The following PI16 variants were observed in gnomAD, a reference collection of about 807,000 sequenced individuals.
PI16 encodes peptidase inhibitor 16, also known as PSP94-binding protein.
In PI16, 35 loss-of-function variants were observed where a neutral mutation model predicts 38.0. The ratio of observed to expected loss-of-function variants is 0.92; its 90% CI spans 0.70 to 1.22. The LOEUF (loss-of-function observed/expected upper bound fraction) is 1.22. PI16 is among the 50% of genes most tolerant of loss of function. The pLI, the probability that PI16 is intolerant of heterozygous loss-of-function variation, is 0.00. For missense variants in PI16, 572 were observed against 593.8 expected, an observed-to-expected ratio of 0.96 and a Z score of 0.38; for synonymous variants, 275 against 252.9, an observed-to-expected ratio of 1.09 and a Z score of -0.83.
upstream of PI16, among the ~76,000 whole-genome samples, chr6:36,951,761 T>C (rs1250954884): frequency 6.6e-6 from 1 of 151,904 alleles, no homozygotes; most frequent in African/African-American, 2.4e-5. Context: ...TAGCCAGGCA[T>C]GGTGGCGCAT....
At chr6:36,954,962 G>A (rs764603697) in intron 1 of PI16, 31 bp downstream of exon 1, 6 of 1,604,658 alleles carry the variant, frequency 3.7e-6, no homozygotes, top group Non-Finnish European at 3.4e-6. Flanking sequence ...TGCTGGCTGG[G>A]ATGGAAGGGG....
Position 36,963,359 on chromosome 6 carries a change from C to T in PI16, c.1017C>T (p.Pro339=). The T allele has an allele frequency of 6.2e-7, 1 of 1,614,172 alleles. No homozygotes were observed. ...PSRSPENSLD[P]KMSLTGAREL... is the part of the protein sequence containing the mutation. ...GGAGCCCAGAGAACTCTCTGGACCCCAAGATGTCCCTGACAGGGGCAAGGG... is the reference window on the plus strand; with the variant it reads ...GGAGCCCAGAGAACTCTCTGGACCCTAAGATGTCCCTGACAGGGGCAAGGG... The change falls in exon 5 of 7, where the codon CCC becomes CCT. Residue 339 remains proline (P), a synonymous_variant. Transcript: ENST00000373674.
At chr6:36,948,632 TCC>T (rs1561891230) in intron 1 of PI16, among the ~76,000 whole-genome samples, 1 of 95,574 alleles carries the variant, frequency 1.0e-5, no homozygotes, top group Admixed American at 1.1e-4. Flanking sequence ...CCTTCCTTCC[TCC>T]TTCCCTCCTT....
At position 36,961,478 on chromosome 6, in the gene PI16, G is replaced by A. The variant is rs1039367029; in HGVS notation, c.421G>A (p.Gly141Ser). 15 of 1,614,194 alleles carry A rather than the reference G, an allele frequency of 9.3e-6. No homozygotes were observed. Among genetic ancestry groups the A allele is most frequent in the Admixed American group, 1.7e-5 (1 of 60,026 alleles). Residue 141 changes from glycine (G) to serine (S), a missense_variant, in exon 3 of 7, where the codon GGC (glycine) becomes AGC (serine). Physicochemically the swap from Gly to Ser is moderately conservative, Grantham distance 56. Transcript: ENST00000373674. ...QVVWAKTERI[G>S]CGSHFCEKLQ... is the part of the protein sequence containing the mutation. Reference sequence around the variant, plus strand: ...GGTATGGGCCAAGACAGAGAGGATCGGCTGTGGTTCCCACTTCTGTGAGAA... The same window carrying A: ...GGTATGGGCCAAGACAGAGAGGATCAGCTGTGGTTCCCACTTCTGTGAGAA...
At chr6:36,956,392 A>G (rs1451860102) in intron 1 of PI16, among the ~76,000 whole-genome samples, 1 of 152,208 alleles carries the variant, frequency 6.6e-6, no homozygotes, top group Non-Finnish European at 1.5e-5. Context: ...TGGGGGCCAC[A>G]CAGGCTGGGA....
At chr6:36,964,189 C>A (rs1763450862) in intron 6 of PI16, among the ~76,000 whole-genome samples, 197 bp from the exon 7 acceptor site, 1 of 152,220 alleles carries the variant, frequency 6.6e-6, no homozygotes, top group Admixed American at 6.5e-5. Flanking sequence ...TAGGCCCATC[C>A]TTCAGCTGGC....
intron 1 of PI16, among the ~76,000 whole-genome samples, 166 bp from the exon 2 acceptor site, chr6:36,958,979 G>A (rs1221285161): frequency 6.6e-6 from 1 of 152,042 alleles, no homozygotes; most frequent in Non-Finnish European, 1.5e-5. Context: ...ATCCTTCACC[G>A]CCCCACAGAC....
chr6:36,961,415 G>A (rs146748215), intron 2 of PI16, 36 bp from the exon 3 acceptor site: 41 of 1,588,962 alleles, frequency 2.6e-5, no homozygotes, highest in Middle Eastern at 3.4e-4. Context: ...ATGCCACCTC[G>A]CATGGGGCTG....
chr6:36,962,523 A>C lies in PI16; in HGVS notation c.593-412A>C, dbSNP rs1763397103. Among the ~76,000 whole-genome samples the C allele has an allele frequency of 6.6e-6, 1 of 151,974 alleles. No homozygotes were observed. The highest frequency in any genetic ancestry group is 2.1e-4 in the South Asian group (1 of 4,814). On this transcript the variant is annotated intron_variant, in intron 4 of 6. Coordinates refer to ENST00000373674, the MANE Select transcript of PI16 (RefSeq NM_153370.3). The surrounding 1 kb of genome is among the most constrained non-coding windows in gnomAD (Gnocchi z 4.1). ...GTTTTGCTCTTGTTGCCCAGGCTAGAGTGCAATGGCTCGATCTCGGCTCAC... is the reference window on the plus strand; with the variant it reads ...GTTTTGCTCTTGTTGCCCAGGCTAGCGTGCAATGGCTCGATCTCGGCTCAC...
At chr6:36,957,150 G>A (rs1208990923) in intron 1 of PI16, among the ~76,000 whole-genome samples, 2 of 152,114 alleles carry the variant, frequency 1.3e-5, no homozygotes, top group Non-Finnish European at 2.9e-5. Flanking sequence ...ACTGCTTCAG[G>A]TTAAAGCTCC....
rs1302778180 is a variant in PI16 at position 36,963,817 on chromosome 6, C to G, written c.1271-6C>G. 5 of 1,579,134 alleles carry G rather than the reference C, an allele frequency of 3.2e-6. No homozygotes were observed. The South Asian group carries it at 4.7e-5, about 15-fold the overall frequency. On this transcript the variant is annotated splice_polypyrimidine_tract_variant and splice_region_variant and intron_variant, in intron 5 of 6. Transcript: ENST00000373674. ...AGGCTGAGGCAAAGCCTCTTTCTTC[C>G]CACAGGTGCAGAGGGCCCTGACAAG...
chr6:36,958,286 G>T (rs967958349), intron 1 of PI16, among the ~76,000 whole-genome samples: 3 of 152,212 alleles, frequency 2.0e-5, no homozygotes, highest in Non-Finnish European at 2.9e-5. Context: ...TGGGATCCAG[G>T]TTTCCCCTCC....
chr6:36,963,001 G>A lies in PI16; in HGVS notation c.659G>A (p.Arg220Gln), dbSNP rs763665761. ...CTGGTAACTGAGGCCCCATCCTTCC[G>A]GGCGACTGAAGCATCAGACTCTAGG... ...PYLVTEAPSF[R>Q]ATEASDSRKM... Residue 220 changes from arginine to glutamine, a missense_variant, in exon 5 of 7, where the codon CGG becomes CAG. Coordinates refer to ENST00000373674, the MANE Select transcript of PI16 (RefSeq NM_153370.3). 6 of 1,614,188 alleles carry A rather than the reference G, an allele frequency of 3.7e-6. No individual in the cohort carries two copies. Among genetic ancestry groups the A allele is most frequent in the East Asian group, 2.2e-5 (1 of 44,882 alleles).
rs1763448034 is a variant in PI16 at position 36,964,068 on chromosome 6, C to T, written c.*18+106C>T. On this transcript the variant is annotated intron_variant, in intron 6 of 6. Coordinates refer to ENST00000373674, the MANE Select transcript of PI16 (RefSeq NM_153370.3). ...CAGGTCCTGCTCTGTGGCCCAGCAG[C>T]CCCCCTTCACCCCAACTTCTGGCCA... 9.2e-6 allele frequency: 12 copies of T among 1,306,918 alleles called. No individual in the cohort carries two copies. The South Asian group carries it at 1.1e-4, about 12-fold the overall frequency. 81.0% of individuals were successfully genotyped at this position (1,306,918 alleles called of 1,614,324 possible). A position where few individuals can be genotyped will look rare whatever the true frequency, so the allele number is the denominator to read the frequency against.
chr6:36,963,472 A>C lies in PI16; in HGVS notation c.1130A>C (p.Gln377Pro), dbSNP rs746705043. 8 of 1,614,070 alleles carry C rather than the reference A, an allele frequency of 5.0e-6. No homozygotes were observed. The East Asian group carries it at 1.8e-4, about 36-fold the overall frequency. Residue 377 changes from glutamine to proline, a missense_variant, in exon 5 of 7, where the codon CAG becomes CCG. By Grantham distance (76) the Gln-to-Pro change is moderately conservative. Transcript: ENST00000373674. ...SEVLASVFPA[Q>P]DKPGELQATL... The stretch of plus-strand genomic sequence containing the variant: ...GTCTTGGCCTCAGTTTTTCCAGCCC[A>C]GGACAAGCCAGGTGAGCTGCAGGCC...
Position 36,963,905 on chromosome 6 carries a change from A to C in PI16, c.1353A>C (p.Leu451=). 1 of 1,613,696 alleles carries C rather than the reference A, an allele frequency of 6.2e-7. No individual in the cohort carries two copies. The highest frequency in any genetic ancestry group is 8.5e-7 in the Non-Finnish European group (1 of 1,179,866). ...ATGTGTGGGGCCCTCTCCTGGGACT[A>C]CTGCTCCTGCCTCCTCTGGTGTTGG... ...PGHVWGPLLG[L]LLLPPLVLAG... Residue 451 remains leucine, a synonymous_variant, in exon 6 of 7, where the codon CTA becomes CTC. Transcript: ENST00000373674.
At chr6:36,957,097 C>A (rs75247782) in intron 1 of PI16, among the ~76,000 whole-genome samples, 3,330 of 152,298 alleles carry the variant, frequency 0.022, 108 homozygotes, top group African/African-American at 0.072. Context: ...AACACATGGG[C>A]CTGACCCTGC....
intron 2 of PI16, 81 bp from the exon 3 acceptor site, chr6:36,961,370 G>C: frequency 8.0e-7 from 1 of 1,247,660 alleles, no homozygotes; most frequent in South Asian, 1.2e-5. Context: ...CTCCACTCCT[G>C]TAAGGCAGGT....
At chr6:36,949,647 C>A (rs906399414) in intron 1 of PI16, among the ~76,000 whole-genome samples, 3 of 152,190 alleles carry the variant, frequency 2.0e-5, no homozygotes, top group African/African-American at 7.2e-5. Context: ...TTCCTGAATT[C>A]TTCCGATTCT....
Sources: allele counts gnomAD v4.1 joint callset (sites outside exome capture counted in the v4.1 genomes callset), GRCh38; gene constraint gnomAD v4.1.1; non-coding constraint Gnocchi (gnomAD v3.1); transcripts MANE v1.5; gene names NCBI Gene and HGNC (gene_info 2026-07-23, HGNC 2026-07-21).